GLG1: variants seen among roughly 807,000 people sequenced by gnomAD.
GLG1 encodes the protein golgi glycoprotein 1.
GLG1 carries 38 observed loss-of-function variants against 160.5 expected under a neutral mutation model. That is an observed-to-expected ratio of 0.24 (90% CI 0.18 to 0.31). The LOEUF (loss-of-function observed/expected upper bound fraction) is 0.31, where lower values mean the gene tolerates loss of function less well. Ranked by LOEUF, GLG1 falls within the 10% of genes least tolerant of loss-of-function variation. GLG1 has a pLI of 1.00. For synonymous variants in GLG1, 644 were observed against 543.4 expected, an observed-to-expected ratio of 1.19 and a Z score of -2.57; for missense variants, 1,373 against 1,505.2, an observed-to-expected ratio of 0.91 and a Z score of 1.45.
chr16:74,525,483 AG>A (rs538748526), intron 2 of GLG1, among the ~76,000 whole-genome samples: 1 of 151,202 alleles, frequency 6.6e-6, no homozygotes, highest in East Asian at 2.0e-4. Flanking sequence ...TTGTAGAGAT[AG>A]GGGGTCTCCG....
chr16:74,510,974 T>C (rs2016785617), intron 2 of GLG1, among the ~76,000 whole-genome samples: 1 of 151,810 alleles, frequency 6.6e-6, no homozygotes, highest in Non-Finnish European at 1.5e-5. Flanking sequence ...GATTCAAGGG[T>C]AGGGAGAAGA....
intron 25 of GLG1, 97 bp downstream of exon 25, chr16:74,456,550 GGA>G: frequency 1.3e-6 from 1 of 766,174 alleles, no homozygotes; most frequent in Non-Finnish European, 2.3e-6. Flanking sequence ...GCCACAGCGA[GGA>G]GAGTGGCATG....
At chr16:74,476,760 G>C (rs2015401237) in intron 12 of GLG1, among the ~76,000 whole-genome samples, 1 of 152,104 alleles carries the variant, frequency 6.6e-6, no homozygotes, top group South Asian at 2.1e-4. Context: ...TTCCTAGATG[G>C]AGAGGCTATA....
At chr16:74,506,598 A>AAAAAAAAAAAAAAAAAAAAC (rs768101788) in intron 3 of GLG1, among the ~76,000 whole-genome samples, 17 of 144,672 alleles carry the variant, frequency 1.2e-4, no homozygotes, top group African/African-American at 4.0e-4. Context: ...AAAAAAAAAA[A>AAAAAAAAAAAAAAAAAAAAC]AAAAAACTCA....
chr16:74,607,103 C>T lies in GLG1; in HGVS notation c.-9G>A. 6.6e-7 allele frequency: 1 copy of T among 1,520,074 alleles called. No homozygotes were observed. The highest frequency in any genetic ancestry group is 8.8e-7 in the Non-Finnish European group (1 of 1,131,856). 94.2% of individuals were successfully genotyped at this position (1,520,074 alleles called of 1,614,324 possible). A position where few individuals can be genotyped will look rare whatever the true frequency, so the allele number is the denominator to read the frequency against. ...CGTCCACACGCCGCCATCTTGAGTCCGCGGCGAGCTCGACGCACTCGCCGG... is the reference window on the plus strand; with the variant it reads ...CGTCCACACGCCGCCATCTTGAGTCTGCGGCGAGCTCGACGCACTCGCCGG... On this transcript the variant is annotated 5_prime_UTR_variant, in exon 1 of 26. Transcript: ENST00000422840.
At chr16:74,481,783 G>A (rs2015606952) in intron 10 of GLG1, among the ~76,000 whole-genome samples, 1 of 152,016 alleles carries the variant, frequency 6.6e-6, no homozygotes, top group Admixed American at 6.6e-5. Flanking sequence ...CTGGGCTCAA[G>A]TGAATCTCCT....
chr16:74,471,116 G>A, intron 15 of GLG1, 57 bp downstream of exon 15: 1 of 927,658 alleles, frequency 1.1e-6, no homozygotes, highest in South Asian at 1.3e-5. Flanking sequence ...AAAAGGAAAG[G>A]ATTCAGTCAA....
chr16:74,560,921 A>G (rs533194385), intron 1 of GLG1, among the ~76,000 whole-genome samples: 54 of 152,024 alleles, frequency 3.6e-4, no homozygotes, highest in African/African-American at 1.2e-3. Flanking sequence ...TTTGTAAGGA[A>G]AGCTATAAAG....
intron 3 of GLG1, among the ~76,000 whole-genome samples, chr16:74,504,679 G>C (rs1039938820): frequency 1.3e-5 from 2 of 152,164 alleles, no homozygotes; most frequent in African/African-American, 4.8e-5. Flanking sequence ...AACCGCTGTG[G>C]TCTGGGACAC....
chr16:74,504,339 G>A (rs1341490278), intron 3 of GLG1, among the ~76,000 whole-genome samples: 2 of 152,210 alleles, frequency 1.3e-5, no homozygotes, highest in Admixed American at 6.5e-5. Flanking sequence ...CCAGGCTGGA[G>A]TGGAATGACA....
At position 74,599,080 on chromosome 16, in the gene GLG1, C is replaced by T. The variant is rs1426288367; in HGVS notation, c.438+7577G>A. Among the ~76,000 whole-genome samples the T allele has an allele frequency of 3.3e-5, 5 of 152,106 alleles. No individual in the cohort carries two copies. The South Asian group carries it at 8.3e-4, about 25-fold the overall frequency. ...CAATGAATTATTAAGCAACTATATA[C>T]TGTAAAGCATTCTCATCAAGAGATT... On this transcript the variant is annotated intron_variant, in intron 1 of 25. Transcript: ENST00000422840.
At position 74,462,081 on chromosome 16, in the gene GLG1, A is replaced by G. The variant is rs904016760; in HGVS notation, c.3036+13T>C. ...CAGCTCTGTGCGTAACCAGTTTTGCACGCAAATCCCACCTCGTCTGAGCAG... is the reference window on the plus strand; with the variant it reads ...CAGCTCTGTGCGTAACCAGTTTTGCGCGCAAATCCCACCTCGTCTGAGCAG... On this transcript the variant is annotated intron_variant, in intron 22 of 25. Transcript: ENST00000422840. 1 of 1,458,940 alleles carries G rather than the reference A, an allele frequency of 6.9e-7. No homozygotes were observed. The highest frequency in any genetic ancestry group is 9.6e-7 in the Non-Finnish European group (1 of 1,041,478). The allele number at this position is 1,458,940 out of a possible 1,614,324, so 90.4% of individuals were successfully genotyped here.
chr16:74,508,986 A>C, intron 2 of GLG1, 61 bp from the exon 3 acceptor site: 1 of 733,792 alleles, frequency 1.4e-6, no homozygotes, highest in East Asian at 2.4e-5. Context: ...TACGAAATTT[A>C]TTATCAACGT....
Position 74,538,991 on chromosome 16 carries a change from G to A in GLG1, c.439-6838C>T, listed in dbSNP as rs1296583546. On this transcript the variant is annotated intron_variant, in intron 1 of 25. Coordinates refer to ENST00000422840, the MANE Select transcript of GLG1 (RefSeq NM_001145667.2). ...GTTAAGGATGCTGTGTGCAGGCTGA[G>A]GCAGATGAGAGGTAGGCTGTGAAAG... 2.6e-5 allele frequency among the ~76,000 whole-genome samples: 4 copies of A among 152,158 alleles called. No homozygotes were observed. In the South Asian group the frequency reaches 6.2e-4, roughly 24 times the overall value.
At chr16:74,536,886 C>G (rs1042998967) in intron 1 of GLG1, among the ~76,000 whole-genome samples, 4 of 152,134 alleles carry the variant, frequency 2.6e-5, no homozygotes, top group Admixed American at 6.5e-5. Context: ...GGGCAAAGTG[C>G]TGGCTCCTAG....
Position 74,467,753 on chromosome 16 carries a change from T to G in GLG1, c.2529+3A>C. On this transcript the variant is annotated splice_donor_region_variant and intron_variant, in intron 18 of 25. Coordinates refer to ENST00000422840, the MANE Select transcript of GLG1 (RefSeq NM_001145667.2). The stretch of plus-strand genomic sequence containing the variant: ...CAATTACAAAAGAAAAGCAAAAAGT[T>G]ACCTGAGCGTTGCCATATTGCACAG... The G allele has an allele frequency of 6.3e-7, 1 of 1,588,136 alleles. No individual in the cohort carries two copies. The highest frequency in any genetic ancestry group is 1.1e-5 in the South Asian group (1 of 89,526).
At chr16:74,453,391 C>G in intron 25 of GLG1, 57 bp from the exon 26 acceptor site, 1 of 1,107,046 alleles carries the variant, frequency 9.0e-7, no homozygotes, top group Non-Finnish European at 1.4e-6. Flanking sequence ...GGTGGCAGTG[C>G]TAGGTCTAAC....
intron 1 of GLG1, among the ~76,000 whole-genome samples, chr16:74,594,748 TTTTG>T (rs142272671): frequency 0.14 from 20,558 of 152,110 alleles, 1,676 homozygotes; most frequent in Middle Eastern, 0.2. Flanking sequence ...TTTTGTTTTG[TTTTG>T]TTTTTGAGAC....
Position 74,459,674 on chromosome 16 carries a change from G to T in GLG1, c.3144+8C>A. On this transcript the variant is annotated splice_region_variant and intron_variant, in intron 23 of 25. Coordinates refer to ENST00000422840, the MANE Select transcript of GLG1 (RefSeq NM_001145667.2). ...ATGAAGTGAGGAAAAGAAGGTGACG[G>T]TGGTTACCTTTTTACACAATTCTGT... is the stretch of plus-strand genomic sequence containing the variant. 5.2e-6 allele frequency: 7 copies of T among 1,348,690 alleles called. No individual in the cohort carries two copies. The highest frequency in any genetic ancestry group is 6.3e-6 in the Non-Finnish European group (6 of 948,610). 83.5% of individuals were successfully genotyped at this position (1,348,690 alleles called of 1,614,324 possible).
Sources: allele counts gnomAD v4.1 joint callset (sites outside exome capture counted in the v4.1 genomes callset), GRCh38; gene constraint gnomAD v4.1.1; transcripts MANE v1.5; gene names NCBI Gene and HGNC (gene_info 2026-07-23, HGNC 2026-07-21).